The following HOXB2 variants were observed in gnomAD, a reference collection of about 807,000 sequenced individuals.
The protein encoded by HOXB2 is homeobox B2.
In HOXB2, 14 loss-of-function variants were observed where a neutral mutation model predicts 13.1. That is an observed-to-expected ratio of 1.07 (90% CI 0.71 to 1.67). The LOEUF (loss-of-function observed/expected upper bound fraction) is 1.67. HOXB2 is among the 40% of genes most tolerant of loss of function. The pLI is 0.00. For synonymous variants in HOXB2, 261 were observed against 233.1 expected (o/e 1.12, Z -1.09); for missense variants, 582 against 488.3 (o/e 1.19, Z -1.81).
chr17:48,544,083 G>A (rs1461838351), intron 1 of HOXB2: 1 of 985,130 alleles, frequency 1.0e-6, no homozygotes, highest in East Asian at 1.1e-4. Context: ...CAACCGGAGC[G>A]AGGGTCAGAA....
rs148975166 is a variant in HOXB2, at chr17:48,543,108, A to G, written c.1031T>C (p.Phe344Ser). Residue 344 changes from phenylalanine to serine, a missense_variant, in exon 2 of 2, where the codon TTC becomes TCC. Phe to Ser is a radical substitution (Grantham distance 155). Coordinates refer to ENST00000330070, the MANE Select transcript of HOXB2 (RefSeq NM_002145.4). ...GTCGATGGCACAGAGCGTACTGGTGAAAAAATCCAGCTCTTCCTCGGAAAA... is the reference window on the plus strand; with the variant it reads ...GTCGATGGCACAGAGCGTACTGGTGGAAAAATCCAGCTCTTCCTCGGAAAA... ...VPFSEEELDFFTSTLCAIDLQ... is the reference protein window; with the variant it reads ...VPFSEEELDFSTSTLCAIDLQ... 8.1e-5 allele frequency: 131 copies of G among 1,612,800 alleles called. No homozygotes were observed. The highest frequency in any genetic ancestry group is 1.1e-4 in the Non-Finnish European group (125 of 1,179,676).
intron 1 of HOXB2, 168 bp from the exon 2 acceptor site, chr17:48,543,915 C>T (rs2068536391): frequency 7.1e-6 from 10 of 1,398,980 alleles, no homozygotes; most frequent in African/African-American, 1.5e-5. Flanking sequence ...TTTCTTCTCT[C>T]CCTCTCTAGT....
rs569789746 is a variant in HOXB2, at chr17:48,543,300, C to T, written c.839G>A (p.Arg280His). Reference protein sequence around the residue: ...AGASSPGCALRGAGGLEPGPL... With the variant: ...AGASSPGCALHGAGGLEPGPL... Reference sequence around the variant, plus strand: ...CCCGGGCTCCAGCCCGCCGGCCCCGCGCAGCGCGCAGCCGGGACTCGACGC... The same window carrying T: ...CCCGGGCTCCAGCCCGCCGGCCCCGTGCAGCGCGCAGCCGGGACTCGACGC... The change falls in exon 2 of 2, where the codon CGC becomes CAC. Residue 280 changes from arginine to histidine, a missense_variant. Transcript: ENST00000330070. 6.2e-7 allele frequency: 1 copy of T among 1,602,380 alleles called. No individual in the cohort carries two copies. Among genetic ancestry groups the T allele is most frequent in the African/African-American group, 1.3e-5 (1 of 74,668 alleles).
rs1567937225 is a variant in HOXB2, at chr17:48,544,596, T to C, written c.316A>G (p.Lys106Glu). The C allele has an allele frequency of 6.2e-7, 1 of 1,609,348 alleles. No individual in the cohort carries two copies. Among genetic ancestry groups the C allele is most frequent in the Non-Finnish European group, 8.5e-7 (1 of 1,179,956 alleles). ...PWMKEKKSAK[K>E]PSQSATSPSP... ...GGAGACGTGGCGGATTGGCTGGGTTTCTTGGCGGATTTCTTCTCTTTCATC... is the reference window on the plus strand; with the variant it reads ...GGAGACGTGGCGGATTGGCTGGGTTCCTTGGCGGATTTCTTCTCTTTCATC... The change falls in exon 1 of 2, where the codon AAA (lysine) becomes GAA (glutamate). Residue 106 changes from lysine to glutamate, a missense_variant. Lys to Glu is a moderately conservative substitution (Grantham distance 56). Coordinates refer to ENST00000330070, the MANE Select transcript of HOXB2 (RefSeq NM_002145.4).
At chr17:48,544,007 C>T in intron 1 of HOXB2, 1 of 1,271,704 alleles carries the variant, frequency 7.9e-7, no homozygotes, top group Non-Finnish European at 9.9e-7. Flanking sequence ...CTCCCTTCGG[C>T]GCCGGAACCT....
Position 48,543,506 on chromosome 17 carries a change from C to T in HOXB2, c.633G>A (p.Glu211=). ...CCTCCAGGGCTCCCGGGCAGGCAGG[C>T]TCCCCATCCGGCGGCTCTCGGTGCT... The part of the protein sequence containing the change: ...QTQHREPPDG[E]PACPGALEDI... The change falls in exon 2 of 2, where the codon GAG becomes GAA. Residue 211 remains glutamate (E), a synonymous_variant. Coordinates refer to ENST00000330070, the MANE Select transcript of HOXB2 (RefSeq NM_002145.4). 6.2e-7 allele frequency: 1 copy of T among 1,612,634 alleles called. No individual in the cohort carries two copies. Among genetic ancestry groups the T allele is most frequent in the Non-Finnish European group, 8.5e-7 (1 of 1,179,902 alleles).
At position 48,544,940 on chromosome 17, in the gene HOXB2, T is replaced by TGGGGGGGGGGGGGGCGGGG; in HGVS notation, c.-30_-29insCCCCGCCCCCCCCCCCCCC. The TGGGGGGGGGGGGGGCGGGG allele has an allele frequency of 4.4e-5, 12 of 271,662 alleles. No homozygotes were observed. Among genetic ancestry groups the TGGGGGGGGGGGGGGCGGGG allele is most frequent in the East Asian group, 2.5e-4 (4 of 15,968 alleles). 16.8% of individuals were successfully genotyped at this position (271,662 alleles called of 1,614,324 possible). ...TTTCAATGGTGGGGGAGGGGGCTGCTGGGGGGGGCGTCAGGAGGGAGGATC... is the reference window on the plus strand; with the variant it reads ...TTTCAATGGTGGGGGAGGGGGCTGCTGGGGGGGGGGGGGGCGGGGGGGGGGGGCGTCAGGAGGGAGGATC... On this transcript the variant is annotated 5_prime_UTR_variant, in exon 1 of 2. Coordinates refer to ENST00000330070, the MANE Select transcript of HOXB2 (RefSeq NM_002145.4).
rs780429753 is a variant in HOXB2, at chr17:48,544,123, G to T, written c.392-376C>A. The T allele has an allele frequency of 3.5e-5, 34 of 985,320 alleles. No individual in the cohort carries two copies. The South Asian group carries it at 1.1e-3, about 31-fold the overall frequency. The allele number at this position is 985,320 out of a possible 1,614,324, so 61.0% of individuals were successfully genotyped here. ...TGTTCTTCACCCCTCTTCCTCCCTA[G>T]CTCTGAATTCTTCCTCTTCTCCTAG... On this transcript the variant is annotated intron_variant, in intron 1 of 1. Coordinates refer to ENST00000330070, the MANE Select transcript of HOXB2 (RefSeq NM_002145.4).
rs568197124 is a variant in HOXB2, at chr17:48,542,872, G to A, written c.*196C>T. 2.4e-4 allele frequency: 102 copies of A among 425,210 alleles called. No individual in the cohort carries two copies. The East Asian group carries it at 3.3e-3, about 14-fold the overall frequency. 26.3% of individuals were successfully genotyped at this position (425,210 alleles called of 1,614,324 possible). The stretch of plus-strand genomic sequence containing the variant: ...GGAGTCTACCAAACGGAATTTTTCT[G>A]TGTGAATTTTAAAAGATAACCGAGT... On this transcript the variant is annotated 3_prime_UTR_variant, in exon 2 of 2. Coordinates refer to ENST00000330070, the MANE Select transcript of HOXB2 (RefSeq NM_002145.4).
At position 48,544,737 on chromosome 17, in the gene HOXB2, C is replaced by T. The variant is rs1167247780; in HGVS notation, c.175G>A (p.Gly59Ser). ...FEQTFPSLQP[G>S]ASTLQRPRSQ... ...CTGGGTCTCTGAAGGGTGGAGGCGC[C>T]GGGCTGGAGGCTGGGGAAGGTTTGC... Residue 59 changes from glycine (G) to serine (S), a missense_variant, in exon 1 of 2, where the codon GGC (glycine) becomes AGC (serine). Transcript: ENST00000330070. 1 of 1,613,964 alleles carries T rather than the reference C, an allele frequency of 6.2e-7. No homozygotes were observed. The highest frequency in any genetic ancestry group is 8.5e-7 in the Non-Finnish European group (1 of 1,179,986).
Position 48,544,920 on chromosome 17 carries a change from AT to A in HOXB2, c.-10del. 1 of 558,614 alleles carries A rather than the reference AT, an allele frequency of 1.8e-6. No individual in the cohort carries two copies. Among genetic ancestry groups the A allele is most frequent in the Non-Finnish European group, 3.1e-6 (1 of 325,882 alleles). The allele number at this position is 558,614 out of a possible 1,614,324, so 34.6% of individuals were successfully genotyped here. ...TCAAATTCAAAATTCATGGCTTTCA[AT>A]GGTGGGGGAGGGGGCTGCTGGGGGG... On this transcript the variant is annotated 5_prime_UTR_variant, in exon 1 of 2. Coordinates refer to ENST00000330070, the MANE Select transcript of HOXB2 (RefSeq NM_002145.4).
At chr17:48,543,855 A>G in intron 1 of HOXB2, 108 bp from the exon 2 acceptor site, 2 of 604,978 alleles carry the variant, frequency 3.3e-6, no homozygotes, top group Non-Finnish European at 5.2e-6. Context: ...CTTCCTCGCC[A>G]CCCCACCCCC....
At chr17:48,544,230 G>A in intron 1 of HOXB2, 2 of 1,341,190 alleles carry the variant, frequency 1.5e-6, no homozygotes, top group Non-Finnish European at 9.5e-7. Context: ...ACACAGATAC[G>A]GGTGAAAACC....
chr17:48,543,867 CCCCCA>C, intron 1 of HOXB2, 120 bp from the exon 2 acceptor site: 2 of 687,464 alleles, frequency 2.9e-6, no homozygotes, highest in Admixed American at 6.2e-5. Context: ...CCCACCCCCG[CCCCCA>C]CCCCAAAGCC....
At chr17:48,544,391 C>T (rs1393403891) in intron 1 of HOXB2, 130 bp downstream of exon 1, 1 of 1,442,636 alleles carries the variant, frequency 6.9e-7, no homozygotes. Flanking sequence ...TATTCTACTT[C>T]CCCATCCCAG....
In HOXB2 at chr17:48,543,420, G is replaced by T; in HGVS notation, c.719C>A (p.Ala240Glu). The change falls in exon 2 of 2, where the codon GCG (alanine) becomes GAG (glutamate). Residue 240 changes from alanine (A) to glutamate (E), a missense_variant. Physicochemically the swap from Ala to Glu is moderately radical, Grantham distance 107. Transcript: ENST00000330070. ...ASPGGPSASR[A>E]AWEACCHPPE... is the part of the protein sequence containing the mutation. ...CGGGTGACAGCAGGCTTCCCACGCC[G>T]CCCGCGAGGCGGAGGGGCCGCCCGG... 6.3e-7 allele frequency: 1 copy of T among 1,585,162 alleles called. No individual in the cohort carries two copies.
At position 48,543,430 on chromosome 17, in the gene HOXB2, C is replaced by G; in HGVS notation, c.709G>C (p.Ala237Pro). Reference protein sequence around the residue: ...EPAASPGGPSASRAAWEACCH... With the variant: ...EPAASPGGPSPSRAAWEACCH... ...CAGGCTTCCCACGCCGCCCGCGAGG[C>G]GGAGGGGCCGCCCGGGCTGGCCGCG... Residue 237 changes from alanine to proline, a missense_variant, in exon 2 of 2, where the codon GCC becomes CCC. Ala to Pro is a conservative substitution (Grantham distance 27). Transcript: ENST00000330070. 6.3e-7 allele frequency: 1 copy of G among 1,592,514 alleles called. No homozygotes were observed. The highest frequency in any genetic ancestry group is 1.8e-5 in the Admixed American group (1 of 56,788).
At position 48,543,515 on chromosome 17, in the gene HOXB2, C is replaced by G. The variant is rs141601726; in HGVS notation, c.624G>C (p.Pro208=). The G allele has an allele frequency of 3.0e-4, 481 of 1,612,772 alleles. 1 individual carries two copies. Among genetic ancestry groups the G allele is most frequent in the Non-Finnish European group, 6.7e-5 (79 of 1,179,922 alleles). Residue 208 remains proline, a synonymous_variant, in exon 2 of 2, where the codon CCG becomes CCC. Coordinates refer to ENST00000330070, the MANE Select transcript of HOXB2 (RefSeq NM_002145.4). The part of the protein sequence containing the change: ...HKRQTQHREP[P]DGEPACPGAL... ...CTCCCGGGCAGGCAGGCTCCCCATC[C>G]GGCGGCTCTCGGTGCTGCGTCTGCC...
rs544258654 is a variant in HOXB2, at chr17:48,544,640, G to T, written c.272C>A (p.Pro91Gln). Residue 91 changes from proline (P) to glutamine (Q), a missense_variant, in exon 1 of 2, where the codon CCG becomes CAG. Physicochemically the swap from Pro to Gln is moderately conservative, Grantham distance 76. Coordinates refer to ENST00000330070, the MANE Select transcript of HOXB2 (RefSeq NM_002145.4). ...TTTCATCCAAGGGAACTCGGGGGCC[G>T]GGGGGGCAGCGGGGAGTGGCGGCGG... The part of the protein sequence containing the change: ...PPPPPLPAAP[P>Q]APEFPWMKEK... 6.2e-6 allele frequency: 10 copies of T among 1,607,934 alleles called. No individual in the cohort carries two copies. Among genetic ancestry groups the T allele is most frequent in the African/African-American group, 4.0e-5 (3 of 74,828 alleles).
Sources: allele counts gnomAD v4.1 joint callset, GRCh38; gene constraint gnomAD v4.1.1; transcripts MANE v1.5; gene names NCBI Gene and HGNC (gene_info 2026-07-23, HGNC 2026-07-21).